The following AGFG1 variants were observed in gnomAD, a reference collection of about 807,000 sequenced individuals.
AGFG1 encodes the protein arf-GAP domain and FG repeat-containing protein 1.
In AGFG1, 10 loss-of-function variants were observed where a neutral mutation model predicts 60.6. The observed-to-expected ratio is 0.16, with a 90% CI of 0.10 to 0.28. The LOEUF is 0.28. AGFG1 is among the 10% of genes least tolerant of loss of function. The pLI, the probability that AGFG1 is intolerant of heterozygous loss-of-function variation, is 1.00. For missense variants in AGFG1, 537 were observed against 676.5 expected (o/e 0.79, Z 2.29); for synonymous variants, 247 against 242.9 (o/e 1.02, Z -0.16).
In AGFG1 at chr2:227,534,430, T is replaced by C. The variant is rs1371753974; in HGVS notation, c.1025-415T>C. Among the ~76,000 whole-genome samples, 4 of 152,344 alleles carry C rather than the reference T, an allele frequency of 2.6e-5. No individual in the cohort carries two copies. The East Asian group carries it at 7.7e-4, about 29-fold the overall frequency. ...AGTCCTCAATAAATGTTTCCCGTTA[T>C]TACCATCTCTAATTTTTTTGTGGAG... On this transcript the variant is annotated intron_variant, in intron 7 of 12. Transcript: ENST00000310078.
chr2:227,502,543 A>ACTC (rs1244180851), intron 2 of AGFG1, among the ~76,000 whole-genome samples: 2 of 151,188 alleles, frequency 1.3e-5, no homozygotes, highest in Non-Finnish European at 3.0e-5. Context: ...CAGATCTGGA[A>ACTC]CTCCTGACCT....
chr2:227,528,994 A>G (rs1351552904), intron 5 of AGFG1, among the ~76,000 whole-genome samples: 2 of 152,312 alleles, frequency 1.3e-5, no homozygotes, highest in Non-Finnish European at 2.9e-5. Context: ...GCTGCCTGAG[A>G]GGAGTTGTTT....
At chr2:227,495,918 C>T (rs540926096) in intron 2 of AGFG1, among the ~76,000 whole-genome samples, 16 of 151,000 alleles carry the variant, frequency 1.1e-4, no homozygotes, top group African/African-American at 3.4e-4. Context: ...GCCTGGCCAA[C>T]GTGGCGAAAC....
intron 8 of AGFG1, 35 bp from the exon 9 acceptor site, chr2:227,536,590 G>GA (rs113750157): frequency 3.6e-4 from 560 of 1,555,496 alleles, no homozygotes; most frequent in Admixed American, 5.5e-4. Flanking sequence ...TTTTTTTTAA[G>GA]AAAAAAAATG....
intron 5 of AGFG1, among the ~76,000 whole-genome samples, chr2:227,526,330 A>T (rs888304324): frequency 9.9e-5 from 15 of 152,060 alleles, no homozygotes; most frequent in African/African-American, 3.4e-4. Flanking sequence ...GGTAGCTGGG[A>T]TTACAAGCGT....
intron 2 of AGFG1, among the ~76,000 whole-genome samples, chr2:227,493,342 C>G (rs535168509): frequency 1.6e-4 from 24 of 152,150 alleles, no homozygotes; most frequent in Non-Finnish European, 3.4e-4. Flanking sequence ...CCCTGTTGCC[C>G]CGATTCTACT....
At chr2:227,500,194 T>C (rs1313126995) in intron 2 of AGFG1, among the ~76,000 whole-genome samples, 2 of 152,200 alleles carry the variant, frequency 1.3e-5, no homozygotes, top group Non-Finnish European at 2.9e-5. Context: ...CCAAAGGCCA[T>C]GCCTGCAAGA....
rs550626380 is a variant in AGFG1 at position 227,510,784 on chromosome 2, G to T, written c.262-9164G>T. ...AATAAGGTATGGGTATGTGAGCTGT[G>T]TGTGCTGCCCTTTACTAAGTCCTTA... On this transcript the variant is annotated intron_variant, in intron 2 of 12. Transcript: ENST00000310078. 2.6e-5 allele frequency: 4 copies of T among 152,306 alleles called. No homozygotes were observed. The South Asian group carries it at 8.3e-4, about 32-fold the overall frequency. The allele number at this position is 152,306 out of a possible 1,614,324, so 9.4% of individuals were successfully genotyped here. A position where few individuals can be genotyped will look rare whatever the true frequency, so the allele number is the denominator to read the frequency against.
chr2:227,477,890 A>G (rs927168816), intron 1 of AGFG1, among the ~76,000 whole-genome samples: 1 of 152,166 alleles, frequency 6.6e-6, no homozygotes, highest in Non-Finnish European at 1.5e-5. Context: ...GATTACAAGC[A>G]TGAGCCACCA....
Position 227,556,925 on chromosome 2 carries a change from C to G in AGFG1, c.*2430C>G, listed in dbSNP as rs1472618989. 2 of 151,870 alleles carry G rather than the reference C, an allele frequency of 1.3e-5. No homozygotes were observed. Among genetic ancestry groups the G allele is most frequent in the Non-Finnish European group, 2.9e-5 (2 of 67,986 alleles). The allele number at this position is 151,870 out of a possible 1,614,324, so 9.4% of individuals were successfully genotyped here. On this transcript the variant is annotated 3_prime_UTR_variant, in exon 13 of 13. Transcript: ENST00000310078. The stretch of plus-strand genomic sequence containing the variant: ...CACCAGCCTGGGGATAGAGTGAGAT[C>G]CCATCTCTAAAAAATGAAAAAAAGA...
In AGFG1 at chr2:227,509,732, A is replaced by G. The variant is rs74738768; in HGVS notation, c.262-10216A>G. The stretch of plus-strand genomic sequence containing the variant: ...TTATTTTGTAATTAAAAAACCAAGC[A>G]GAACTAAATTGTAATGTTTAAGGAT... On this transcript the variant is annotated intron_variant, in intron 2 of 12. Transcript: ENST00000310078. 2.6e-5 allele frequency among the ~76,000 whole-genome samples: 4 copies of G among 152,066 alleles called. No homozygotes were observed. In the East Asian group the frequency reaches 7.8e-4, roughly 30 times the overall value.
At chr2:227,511,020 A>G (rs1691482099) in intron 2 of AGFG1, among the ~76,000 whole-genome samples, 1 of 152,202 alleles carries the variant, frequency 6.6e-6, no homozygotes, top group Non-Finnish European at 1.5e-5. Context: ...CAAGTGTTAA[A>G]TACCTATTAA....
intron 10 of AGFG1, among the ~76,000 whole-genome samples, chr2:227,542,086 T>C (rs1023649357): frequency 6.6e-6 from 1 of 152,218 alleles, no homozygotes; most frequent in African/African-American, 2.4e-5. Flanking sequence ...TTTCGAAATA[T>C]ACAATCATGT....
At chr2:227,541,716 T>C (rs1417031344) in intron 10 of AGFG1, among the ~76,000 whole-genome samples, 3 of 152,222 alleles carry the variant, frequency 2.0e-5, no homozygotes, top group Admixed American at 6.5e-5. Flanking sequence ...CAAGTAGTTT[T>C]TTCCAATTCT....
intron 4 of AGFG1, 22 bp downstream of exon 4, chr2:227,523,947 G>T (rs1410948015): frequency 6.9e-6 from 11 of 1,593,086 alleles, no homozygotes; most frequent in Non-Finnish European, 9.4e-6. Flanking sequence ...TTGAATCTTT[G>T]TAGGGAATTC....
intron 11 of AGFG1, among the ~76,000 whole-genome samples, chr2:227,553,306 T>C (rs966929167): frequency 6.6e-6 from 1 of 152,082 alleles, no homozygotes; most frequent in Non-Finnish European, 1.5e-5. Flanking sequence ...GAGACCAGCC[T>C]GGGCAATGTA....
rs939343574 is a variant in AGFG1, at chr2:227,558,081, G to A, written c.*3586G>A. 7.9e-5 allele frequency: 12 copies of A among 152,266 alleles called. No homozygotes were observed. The highest frequency in any genetic ancestry group is 2.9e-4 in the African/African-American group (12 of 41,536). The allele number at this position is 152,266 out of a possible 1,614,324, so 9.4% of individuals were successfully genotyped here. ...TTAACACTACTTCAAGGTAATAATA[G>A]CAGTGGTATTATGGGCTGTGTATGA... is the stretch of plus-strand genomic sequence containing the variant. On this transcript the variant is annotated 3_prime_UTR_variant, in exon 13 of 13. Transcript: ENST00000310078.
intron 10 of AGFG1, among the ~76,000 whole-genome samples, chr2:227,544,157 T>C (rs1692574305): frequency 7.2e-6 from 1 of 139,222 alleles, no homozygotes; most frequent in Admixed American, 7.2e-5. Flanking sequence ...TTTTTTTTTT[T>C]TTTTTTTTTT....
At chr2:227,530,938 G>C (rs927850253) in intron 5 of AGFG1, among the ~76,000 whole-genome samples, 153 bp from the exon 6 acceptor site, 1 of 152,130 alleles carries the variant, frequency 6.6e-6, no homozygotes, top group Admixed American at 6.6e-5. Context: ...GTTACATGCT[G>C]GTAGGGTTTA....
Sources: gnomAD v4.1 joint callset for allele counts (sites outside exome capture counted in the v4.1 genomes callset) on GRCh38, gnomAD v4.1.1 for gene constraint, MANE v1.5 for transcripts, NCBI Gene and HGNC (gene_info 2026-07-23, HGNC 2026-07-21) for gene names.